CSTL1: variants seen among roughly 807,000 people sequenced by gnomAD.
CSTL1 encodes the protein cystatin like 1.
In CSTL1, 14 loss-of-function variants were observed where a neutral mutation model predicts 14.4. The observed-to-expected ratio is 0.97, with a 90% CI of 0.64 to 1.52. The LOEUF (loss-of-function observed/expected upper bound fraction) is 1.52. Among genes scored for constraint, CSTL1 ranks in the 40% most tolerant of loss-of-function variants. The pLI, the probability that CSTL1 is intolerant of heterozygous loss-of-function variation, is 0.00. For synonymous variants in CSTL1, 72 were observed against 67.5 expected (o/e 1.07, Z -0.33); for missense variants, 170 against 168.7 (o/e 1.01, Z -0.04).
At chr20:23,441,071 T>C (rs746907907) in intron 2 of CSTL1, among the ~76,000 whole-genome samples, 1 of 152,212 alleles carries the variant, frequency 6.6e-6, no homozygotes, top group Non-Finnish European at 1.5e-5. Flanking sequence ...CTCTTTTTCC[T>C]TGGGAAGAAA....
At chr20:23,446,232 C>T (rs931611613), downstream of CSTL1, among the ~76,000 whole-genome samples, 26 of 152,064 alleles carry the variant, frequency 1.7e-4, no homozygotes, top group Non-Finnish European at 3.1e-4. Flanking sequence ...CCAAGGCCAG[C>T]CTTGCAAGCA....
chr20:23,445,679 T>G (rs774632139), downstream of CSTL1, among the ~76,000 whole-genome samples: 3 of 152,180 alleles, frequency 2.0e-5, no homozygotes, highest in Non-Finnish European at 4.4e-5. Context: ...CTGACCCTAG[T>G]GTGGGGAGCC....
At chr20:23,453,875 C>A in the CSTL1 span, among the ~76,000 whole-genome samples, 1 of 152,036 alleles carries the variant, frequency 6.6e-6, no homozygotes, top group South Asian at 2.1e-4. Flanking sequence ...CACATTCACA[C>A]CCGAACACAC....
chr20:23,446,694 G>A (rs558040453), downstream of CSTL1, among the ~76,000 whole-genome samples: 129 of 152,282 alleles, frequency 8.5e-4, no homozygotes, highest in African/African-American at 2.9e-3. Context: ...GCTGACAGTC[G>A]ATTAGAGAAG....
chr20:23,450,407 G>T, the CSTL1 span: 1 of 729,928 alleles, frequency 1.4e-6, no homozygotes, highest in South Asian at 2.3e-5. Flanking sequence ...ACGATCTTAA[G>T]AGAATATGTT....
downstream of CSTL1, among the ~76,000 whole-genome samples, chr20:23,448,374 G>A (rs1175655857): frequency 2.0e-5 from 3 of 152,226 alleles, no homozygotes; most frequent in Non-Finnish European, 2.9e-5. Context: ...TGAGTACAGG[G>A]AGGCAGCACA....
At chr20:23,445,434 T>G (rs1986947443), downstream of CSTL1, among the ~76,000 whole-genome samples, 1 of 151,994 alleles carries the variant, frequency 6.6e-6, no homozygotes, top group East Asian at 1.9e-4. Flanking sequence ...TTAAAACACT[T>G]TTTTTGTGGA....
At chr20:23,444,947 GTCTTATT>G, downstream of CSTL1, 2 of 1,051,438 alleles carry the variant, frequency 1.9e-6, no homozygotes, top group South Asian at 2.6e-5. Context: ...CCTCATTGGG[GTCTTATT>G]ACACATGCAC....
chr20:23,444,982 C>G (rs1268353872), downstream of CSTL1: 13 of 770,594 alleles, frequency 1.7e-5, 1 homozygote, highest in South Asian at 1.9e-4. Flanking sequence ...CATGCACACA[C>G]AGAGTGTACA....
At chr20:23,455,465 C>G in the CSTL1 span, among the ~76,000 whole-genome samples, 1 of 152,212 alleles carries the variant, frequency 6.6e-6, no homozygotes, top group Non-Finnish European at 1.5e-5. Flanking sequence ...ATGTCTCCGG[C>G]AGAATTGCTG....
chr20:23,445,948 G>C (rs2123318289), downstream of CSTL1, among the ~76,000 whole-genome samples: 1 of 152,256 alleles, frequency 6.6e-6, no homozygotes, highest in East Asian at 1.9e-4. Context: ...GTCACACAGA[G>C]CACGCTCAAT....
At chr20:23,455,779 A>G in the CSTL1 span, among the ~76,000 whole-genome samples, 10 of 152,212 alleles carry the variant, frequency 6.6e-5, no homozygotes, top group Non-Finnish European at 2.9e-5. Flanking sequence ...ACAGGGTTGC[A>G]CTGGCAGCAT....
chr20:23,443,573 G>A (rs748051811), intron 2 of CSTL1, among the ~76,000 whole-genome samples: 7 of 152,114 alleles, frequency 4.6e-5, no homozygotes, highest in Non-Finnish European at 8.8e-5. Flanking sequence ...GACTGGGGGG[G>A]TGGGGACAAG....
At chr20:23,450,438 A>T in the CSTL1 span, 1 of 965,540 alleles carries the variant, frequency 1.0e-6, no homozygotes, top group Non-Finnish European at 1.6e-6. Context: ...TATTGCCTAT[A>T]TTAAGGATTA....
rs553216836 is a variant in CSTL1, at chr20:23,443,820, C to A, written c.220-114C>A. ...AGCCATGCTTTTGGTGGGTAAGCTCCGCGAACAAGAACTGTGGCCCTGGGA... is the reference window on the plus strand; with the variant it reads ...AGCCATGCTTTTGGTGGGTAAGCTCAGCGAACAAGAACTGTGGCCCTGGGA... On this transcript the variant is annotated intron_variant, in intron 2 of 3. Coordinates refer to ENST00000347397, the MANE Select transcript of CSTL1 (RefSeq NM_138283.1). The A allele has an allele frequency of 9.7e-6, 7 of 719,858 alleles. 1 individual carries two copies. In the South Asian group the frequency reaches 1.1e-4, roughly 11 times the overall value. The allele number at this position is 719,858 out of a possible 1,614,324, so 44.6% of individuals were successfully genotyped here.
the CSTL1 span, chr20:23,450,263 G>T: frequency 1.1e-5 from 4 of 379,944 alleles, no homozygotes; most frequent in African/African-American, 2.1e-5. Context: ...TACCATGAAG[G>T]CATAGGTGAT....
At chr20:23,458,870 A>G in the CSTL1 span, among the ~76,000 whole-genome samples, 10,194 of 152,084 alleles carry the variant, frequency 0.067, 544 homozygotes, top group East Asian at 0.29. Flanking sequence ...CCTTCCCTAG[A>G]CCATTTGGCC....
rs534604352 is a variant in CSTL1, at chr20:23,440,574, C to T, written c.219+88C>T. On this transcript the variant is annotated intron_variant, in intron 2 of 3. Coordinates refer to ENST00000347397, the MANE Select transcript of CSTL1 (RefSeq NM_138283.1). ...GATTCTGGGGTAGCTCCCAAGAGAA[C>T]CAAGTGGTGGTCCTCCGTGAGGTCC... 2.8e-5 allele frequency: 28 copies of T among 1,006,442 alleles called. 1 individual carries two copies. Among genetic ancestry groups the T allele is most frequent in the African/African-American group, 2.4e-4 (15 of 63,376 alleles). The allele number at this position is 1,006,442 out of a possible 1,614,324, so 62.3% of individuals were successfully genotyped here. A position where few individuals can be genotyped will look rare whatever the true frequency, so the allele number is the denominator to read the frequency against.
At chr20:23,449,881 C>T (rs1216804062), downstream of CSTL1, among the ~76,000 whole-genome samples, 4 of 152,076 alleles carry the variant, frequency 2.6e-5, no homozygotes, top group African/African-American at 4.8e-5. Context: ...ATAGACAGAC[C>T]TGGTTTGGTC....
Sources: gnomAD v4.1 joint callset for allele counts (sites outside exome capture counted in the v4.1 genomes callset) on GRCh38, gnomAD v4.1.1 for gene constraint, MANE v1.5 for transcripts, NCBI Gene and HGNC (gene_info 2026-07-23, HGNC 2026-07-21) for gene names.